The following ARK2N variants were observed in gnomAD, a reference collection of about 807,000 sequenced individuals.
The protein encoded by ARK2N is arkadia (RNF111) N-terminal like PKA signaling regulator 2N.
chr18:46,214,479 G>A, the ARK2N span, among the ~76,000 whole-genome samples: 1 of 152,196 alleles, frequency 6.6e-6, no homozygotes, highest in Non-Finnish European at 1.5e-5. Context: ...GCTGGTCTTT[G>A]AATGATGTCC....
chr18:46,227,326 T>C, the ARK2N span, among the ~76,000 whole-genome samples: 1 of 152,210 alleles, frequency 6.6e-6, no homozygotes, highest in Non-Finnish European at 1.5e-5. Context: ...AGAAAAAATG[T>C]CACCACTTTG....
At chr18:46,266,606 G>A in the ARK2N span, 1 of 152,580 alleles carries the variant, frequency 6.6e-6, no homozygotes, top group Admixed American at 6.5e-5. Flanking sequence ...GAGTACAGAG[G>A]CCATTGAAGC....
At chr18:46,186,696 G>A in the ARK2N span, among the ~76,000 whole-genome samples, 1 of 151,822 alleles carries the variant, frequency 6.6e-6, no homozygotes, top group Non-Finnish European at 1.5e-5. Flanking sequence ...TTTTAGTAGA[G>A]AGGGGGTTTC....
the ARK2N span, among the ~76,000 whole-genome samples, chr18:46,236,793 A>G: frequency 4.3e-4 from 66 of 151,942 alleles, no homozygotes; most frequent in Non-Finnish European, 6.9e-4. Context: ...ATTCTATCCT[A>G]TAATGAACTG....
At chr18:46,252,328 G>C in the ARK2N span, among the ~76,000 whole-genome samples, 1 of 151,880 alleles carries the variant, frequency 6.6e-6, no homozygotes, top group Non-Finnish European at 1.5e-5. Context: ...GGCTCCTGGA[G>C]TGCAGTGGCG....
the ARK2N span, among the ~76,000 whole-genome samples, chr18:46,193,652 G>A: frequency 7.0e-6 from 1 of 142,196 alleles, no homozygotes; most frequent in Non-Finnish European, 1.5e-5. Flanking sequence ...AGGCTGCAGT[G>A]CAGTGGTGCA....
chr18:46,248,859 A>G, the ARK2N span, among the ~76,000 whole-genome samples: 3 of 152,204 alleles, frequency 2.0e-5, no homozygotes, highest in Non-Finnish European at 4.4e-5. Context: ...GTGGGATTAC[A>G]GGCGTGAGCC....
At chr18:46,218,328 G>A in the ARK2N span, 1 of 152,208 alleles carries the variant, frequency 6.6e-6, no homozygotes, top group Non-Finnish European at 1.5e-5. Flanking sequence ...GAACACCAAA[G>A]TAAATTAATT....
chr18:46,225,651 A>G, the ARK2N span, among the ~76,000 whole-genome samples: 3 of 152,130 alleles, frequency 2.0e-5, no homozygotes, highest in East Asian at 1.9e-4. Context: ...TAGTAGAGAC[A>G]GGGTTTCACT....
chr18:46,260,121 G>T, the ARK2N span, among the ~76,000 whole-genome samples: 3 of 152,136 alleles, frequency 2.0e-5, no homozygotes, highest in South Asian at 4.1e-4. Context: ...ATTCCTGACA[G>T]ATGCCTCAGC....
the ARK2N span, among the ~76,000 whole-genome samples, chr18:46,213,372 T>G: frequency 1.3e-5 from 2 of 151,958 alleles, no homozygotes; most frequent in Non-Finnish European, 2.9e-5. Context: ...TTTTATTCAG[T>G]TAGAAAATCT....
the ARK2N span, among the ~76,000 whole-genome samples, chr18:46,256,474 C>G: frequency 6.6e-6 from 1 of 151,924 alleles, no homozygotes; most frequent in Non-Finnish European, 1.5e-5. Flanking sequence ...TCTATGAAAA[C>G]CTGGAAATTT....
At chr18:46,189,130 G>A in the ARK2N span, among the ~76,000 whole-genome samples, 2 of 146,418 alleles carry the variant, frequency 1.4e-5, no homozygotes, top group Admixed American at 7.0e-5. Context: ...CGGGAGAATC[G>A]CCTCAACCTG....
the ARK2N span, among the ~76,000 whole-genome samples, chr18:46,197,211 A>G: frequency 6.6e-6 from 1 of 152,138 alleles, no homozygotes; most frequent in East Asian, 1.9e-4. Flanking sequence ...CACATGCCAG[A>G]TATACTTAAC....
At chr18:46,181,597 C>T in the ARK2N span, among the ~76,000 whole-genome samples, 1 of 151,980 alleles carries the variant, frequency 6.6e-6, no homozygotes, top group Non-Finnish European at 1.5e-5. Context: ...ACCTGTAGTC[C>T]CAGCTACTCG....
chr18:46,179,625 CT>C, the ARK2N span, among the ~76,000 whole-genome samples: 3,456 of 136,748 alleles, frequency 0.025, 101 homozygotes, highest in African/African-American at 0.08. Flanking sequence ...TTAAAGTTAT[CT>C]TTTTTTTTTT....
chr18:46,214,156 A>G, the ARK2N span, among the ~76,000 whole-genome samples: 1 of 152,344 alleles, frequency 6.6e-6, no homozygotes, highest in Admixed American at 6.5e-5. Flanking sequence ...TGTATTAAGC[A>G]AAAAGTGGGC....
chr18:46,217,366 A>G, the ARK2N span: 1 of 152,340 alleles, frequency 6.6e-6, no homozygotes, highest in Non-Finnish European at 1.5e-5. Context: ...ATGTATCTGA[A>G]TGGTTCTTAA....
chr18:46,234,581 GA>G, the ARK2N span, among the ~76,000 whole-genome samples: 1 of 150,662 alleles, frequency 6.6e-6, no homozygotes, highest in Non-Finnish European at 1.5e-5. Flanking sequence ...AGTAGGTCTT[GA>G]GTATTAAAAT....
Sources: gnomAD v4.1 joint callset for allele counts (sites outside exome capture counted in the v4.1 genomes callset) on GRCh38, gnomAD v4.1.1 for gene constraint, MANE v1.5 for transcripts, NCBI Gene and HGNC (gene_info 2026-07-23, HGNC 2026-07-21) for gene names.